Variants in GLDC observed in about 807,000 individuals in gnomAD.
GLDC encodes glycine decarboxylase.
A neutral mutation model predicts 121.3 loss-of-function variants in GLDC; 104 were observed. That is an observed-to-expected ratio of 0.86 (90% CI 0.73 to 1.01). The LOEUF (loss-of-function observed/expected upper bound fraction) is 1.01, where lower values mean the gene tolerates loss of function less well. Ranked by LOEUF, GLDC falls within the 50% of genes least tolerant of loss-of-function variation. GLDC has a pLI of 0.00. For synonymous variants in GLDC, 546 were observed against 480.6 expected (o/e 1.14, Z -1.78); for missense variants, 1,429 against 1,306.6 (o/e 1.09, Z -1.44).
chr9:6,558,078 G>A (rs995672102), intron 17 of GLDC: 23 of 232,066 alleles, frequency 9.9e-5, no homozygotes, highest in Non-Finnish European at 1.9e-4. Context: ...AGATACGGTT[G>A]CTAAGCAACT....
At chr9:6,636,731 C>T (rs1395170437) in intron 2 of GLDC, among the ~76,000 whole-genome samples, 1 of 151,794 alleles carries the variant, frequency 6.6e-6, no homozygotes, top group Non-Finnish European at 1.5e-5. Flanking sequence ...GCTGTAATCA[C>T]ACCACTGCAC....
chr9:6,536,690 C>G (rs1200207172), intron 22 of GLDC, among the ~76,000 whole-genome samples: 4 of 152,202 alleles, frequency 2.6e-5, no homozygotes, highest in Middle Eastern at 3.4e-3. Context: ...ATTTTTCTTT[C>G]ACTTCGATTG....
intron 22 of GLDC, 151 bp from the exon 23 acceptor site, chr9:6,536,387 G>A: frequency 1.3e-6 from 1 of 746,286 alleles, no homozygotes; most frequent in Non-Finnish European, 2.3e-6. Context: ...TCTCAGTGCT[G>A]TTCATAGAAG....
chr9:6,622,495 C>T (rs1020006234), intron 2 of GLDC, among the ~76,000 whole-genome samples: 127 of 152,198 alleles, frequency 8.3e-4, no homozygotes, highest in African/African-American at 2.8e-3. Flanking sequence ...CCGCCAGCCT[C>T]GGCCTCCCGA....
intron 2 of GLDC, among the ~76,000 whole-genome samples, chr9:6,640,467 C>A (rs1819607172): frequency 6.6e-6 from 1 of 152,222 alleles, no homozygotes; most frequent in Non-Finnish European, 1.5e-5. Context: ...ACTAGGGTGA[C>A]AAAGCCAACA....
At chr9:6,635,970 A>G (rs1819494305) in intron 2 of GLDC, among the ~76,000 whole-genome samples, 1 of 152,190 alleles carries the variant, frequency 6.6e-6, no homozygotes, top group Non-Finnish European at 1.5e-5. Context: ...AAACCCCTAG[A>G]ATGTGCAACA....
chr9:6,637,392 C>T (rs1174229337), intron 2 of GLDC, among the ~76,000 whole-genome samples: 10 of 142,278 alleles, frequency 7.0e-5, no homozygotes, highest in South Asian at 4.4e-4. Flanking sequence ...GGGATAAGAG[C>T]GAGACTTCTC....
chr9:6,630,406 C>G (rs1052523322), intron 2 of GLDC, among the ~76,000 whole-genome samples: 4 of 152,120 alleles, frequency 2.6e-5, no homozygotes, highest in Non-Finnish European at 4.4e-5. Flanking sequence ...TCTGGGGAGC[C>G]CAGCCAGCAG....
intron 2 of GLDC, among the ~76,000 whole-genome samples, chr9:6,624,765 T>A (rs1819196661): frequency 6.6e-6 from 1 of 151,890 alleles, no homozygotes; most frequent in Non-Finnish European, 1.5e-5. Context: ...GGCAGGAGGA[T>A]CACTTGAGGT....
chr9:6,602,696 T>C (rs1055410772), intron 7 of GLDC, among the ~76,000 whole-genome samples: 1 of 152,234 alleles, frequency 6.6e-6, no homozygotes, highest in Non-Finnish European at 1.5e-5. Context: ...CCAAGATATA[T>C]ACAATAAGTC....
intron 3 of GLDC, among the ~76,000 whole-genome samples, chr9:6,615,568 G>A (rs992393423): frequency 2.7e-5 from 4 of 148,802 alleles, no homozygotes; most frequent in African/African-American, 7.6e-5. Flanking sequence ...GGTGACAGAC[G>A]GAGACCTTGT....
intron 2 of GLDC, among the ~76,000 whole-genome samples, chr9:6,644,050 A>AC (rs1563877161): frequency 3.2e-5 from 3 of 92,702 alleles, no homozygotes; most frequent in East Asian, 7.9e-4. Flanking sequence ...AAAAAAAAAA[A>AC]CGAAAAAAAA....
intron 2 of GLDC, among the ~76,000 whole-genome samples, chr9:6,644,101 GCTGT>G (rs1163414783): frequency 6.8e-6 from 1 of 147,194 alleles, no homozygotes; most frequent in East Asian, 2.0e-4. Flanking sequence ...GAAAAGTACT[GCTGT>G]CTTTCAGTTG....
At chr9:6,612,824 T>C (rs1477198733) in intron 3 of GLDC, among the ~76,000 whole-genome samples, 2 of 152,090 alleles carry the variant, frequency 1.3e-5, no homozygotes, top group African/African-American at 4.8e-5. Flanking sequence ...ATCATGCCAC[T>C]GCACTCCAGC....
chr9:6,578,562 CAG>C (rs910934573), intron 15 of GLDC, among the ~76,000 whole-genome samples: 2 of 151,712 alleles, frequency 1.3e-5, no homozygotes, highest in African/African-American at 4.8e-5. Context: ...CTCTTAGAAA[CAG>C]AGTCTCACTC....
intron 4 of GLDC, 63 bp from the exon 5 acceptor site, chr9:6,606,732 A>G: frequency 1.0e-6 from 1 of 959,878 alleles, no homozygotes; most frequent in South Asian, 1.3e-5. Context: ...TCTTCTAAGA[A>G]CGCAAAGCAA....
At chr9:6,578,019 A>G (rs572221000) in intron 15 of GLDC, among the ~76,000 whole-genome samples, 1 of 151,802 alleles carries the variant, frequency 6.6e-6, no homozygotes, top group Non-Finnish European at 1.5e-5. Flanking sequence ...GGCTCAAGCA[A>G]TCCTCTGGCC....
intron 20 of GLDC, among the ~76,000 whole-genome samples, chr9:6,551,557 G>A (rs1414164321): frequency 6.6e-6 from 1 of 152,144 alleles, no homozygotes; most frequent in Admixed American, 6.5e-5. Context: ...AATGTAAAGA[G>A]AATGAGAGAG....
chr9:6,563,782 G>A (rs1448850809), intron 16 of GLDC, among the ~76,000 whole-genome samples: 1 of 152,170 alleles, frequency 6.6e-6, no homozygotes, highest in Non-Finnish European at 1.5e-5. Flanking sequence ...AGCAGTCCTT[G>A]ACCAGGGTTT....
Sources: gnomAD v4.1 joint callset for allele counts (sites outside exome capture counted in the v4.1 genomes callset) on GRCh38, gnomAD v4.1.1 for gene constraint, MANE v1.5 for transcripts, NCBI Gene and HGNC (gene_info 2026-07-23, HGNC 2026-07-21) for gene names.